WDR25: variants seen among roughly 807,000 people sequenced by gnomAD.
WDR25 encodes the protein WD repeat-containing protein 25.
In WDR25, 35 loss-of-function variants were observed where a neutral mutation model predicts 47.7. The observed-to-expected ratio is 0.73, with a 90% confidence interval of 0.56 to 0.97. The LOEUF (loss-of-function observed/expected upper bound fraction) is 0.97, where lower values mean the gene tolerates loss of function less well. Ranked by LOEUF, WDR25 falls within the 50% of genes least tolerant of loss-of-function variation. The probability of loss-of-function intolerance (pLI) is 0.00; values close to 1 mark genes in which losing one functional copy is unlikely to be tolerated. For missense variants in WDR25, 634 were observed against 704.7 expected (o/e 0.90, Z 1.14); for synonymous variants, 248 against 278.9 (o/e 0.89, Z 1.10).
chr14:100,513,690 CT>C (rs77651175), intron 4 of WDR25, among the ~76,000 whole-genome samples: 6,256 of 145,234 alleles, frequency 0.043, 413 homozygotes, highest in African/African-American at 0.14. Context: ...AAAGGACCCT[CT>C]TTTTTTTTTT....
At chr14:100,465,182 A>ATT (rs978965358) in intron 2 of WDR25, among the ~76,000 whole-genome samples, 7 of 149,570 alleles carry the variant, frequency 4.7e-5, no homozygotes, top group African/African-American at 1.7e-4. Flanking sequence ...GTGTGTGTGT[A>ATT]TTTTTAAAAA....
chr14:100,418,235 T>G (rs977808453), intron 2 of WDR25, among the ~76,000 whole-genome samples: 5 of 150,244 alleles, frequency 3.3e-5, no homozygotes, highest in African/African-American at 4.9e-5. Flanking sequence ...TGAGCCACTG[T>G]GCCCTGCCTT....
At chr14:100,401,068 T>G (rs1400398857) in intron 2 of WDR25, among the ~76,000 whole-genome samples, 1 of 152,254 alleles carries the variant, frequency 6.6e-6, no homozygotes, top group Admixed American at 6.5e-5. Flanking sequence ...GCGTGTTTAA[T>G]TATTCAAGTA....
chr14:100,513,491 A>G (rs1461420332), intron 4 of WDR25, among the ~76,000 whole-genome samples: 1 of 152,202 alleles, frequency 6.6e-6, no homozygotes, highest in East Asian at 1.9e-4. Context: ...TGCCCAGTCT[A>G]AGGTATTTTG....
In WDR25 at chr14:100,428,779, T is replaced by G. The variant is rs1431930992; in HGVS notation, c.823-39242T>G. On this transcript the variant is annotated intron_variant, in intron 2 of 6. Transcript: ENST00000402312. This position sits in a 1 kb window ranked among gnomAD's most constrained non-coding sequence, Gnocchi z 4.3. ...CTGTACCTTCGCTTTTATTCTACTT[T>G]GAATGTAATTTAGTTGCACATTCAT... 1.3e-5 allele frequency among the ~76,000 whole-genome samples: 2 copies of G among 152,256 alleles called. No individual in the cohort carries two copies. Among genetic ancestry groups the G allele is most frequent in the African/African-American group, 4.8e-5 (2 of 41,472 alleles).
chr14:100,437,727 C>T (rs889670358), intron 2 of WDR25, among the ~76,000 whole-genome samples: 2 of 152,164 alleles, frequency 1.3e-5, no homozygotes, highest in Non-Finnish European at 2.9e-5. Context: ...TGTTAACCCC[C>T]ATTCTCTCCC....
At chr14:100,452,758 A>G (rs1899079034) in intron 2 of WDR25, among the ~76,000 whole-genome samples, 5 of 152,174 alleles carry the variant, frequency 3.3e-5, no homozygotes, top group Admixed American at 3.3e-4. Flanking sequence ...GTGGCAGTAG[A>G]TTGTAGGGCA....
At chr14:100,413,493 G>A (rs1266432225) in intron 2 of WDR25, among the ~76,000 whole-genome samples, 1 of 150,546 alleles carries the variant, frequency 6.6e-6, no homozygotes, top group Non-Finnish European at 1.5e-5. Context: ...GGCTCACTGC[G>A]ACCTCCGCCT....
At chr14:100,465,001 A>C in intron 2 of WDR25, among the ~76,000 whole-genome samples, 1 of 147,762 alleles carries the variant, frequency 6.8e-6, no homozygotes, top group Non-Finnish European at 1.5e-5. Context: ...ACTCTCCCCT[A>C]CATGTTCCAC....
At chr14:100,418,635 C>CAAA (rs71113266) in intron 2 of WDR25, among the ~76,000 whole-genome samples, 17 of 129,330 alleles carry the variant, frequency 1.3e-4, no homozygotes, top group African/African-American at 4.9e-4. Flanking sequence ...GACTCCGTCT[C>CAAA]AAAAAAAAAA....
chr14:100,489,221 C>G (rs1227080367), intron 4 of WDR25, among the ~76,000 whole-genome samples: 3 of 152,238 alleles, frequency 2.0e-5, no homozygotes, highest in African/African-American at 7.2e-5. Flanking sequence ...TCCACTGAGG[C>G]TGAGCTCCTC....
chr14:100,444,964 C>T (rs1198275439), intron 2 of WDR25, among the ~76,000 whole-genome samples: 1 of 152,196 alleles, frequency 6.6e-6, no homozygotes, highest in African/African-American at 2.4e-5. Context: ...GAAATGAAAG[C>T]TCAGAGACAA....
intron 2 of WDR25, among the ~76,000 whole-genome samples, chr14:100,426,740 G>A (rs1898180807): frequency 6.6e-6 from 1 of 152,094 alleles, no homozygotes; most frequent in Non-Finnish European, 1.5e-5. Context: ...CTGCCCCCCA[G>A]CCCCACCCCA....
At position 100,520,011 on chromosome 14, in the gene WDR25, C is replaced by CTA. The variant is rs1214240620; in HGVS notation, c.1102-5850_1102-5849dup. Among the ~76,000 whole-genome samples the CTA allele has an allele frequency of 2.1e-5, 3 of 143,776 alleles. No homozygotes were observed. The South Asian group carries it at 6.5e-4, about 31-fold the overall frequency. 94.3% of individuals were successfully genotyped at this position (143,776 alleles called of 152,430 possible). A position where few individuals can be genotyped will look rare whatever the true frequency, so the allele number is the denominator to read the frequency against. ...TATATAGTGTGTATATATATGTACACTATATATATACACATTGATCATTTG... is the reference window on the plus strand; with the variant it reads ...TATATAGTGTGTATATATATGTACACTATATATATATACACATTGATCATTTG... On this transcript the variant is annotated intron_variant, in intron 4 of 6. Transcript: ENST00000402312.
intron 4 of WDR25, among the ~76,000 whole-genome samples, chr14:100,496,945 C>T (rs1342482825): frequency 1.4e-5 from 2 of 141,470 alleles, no homozygotes; most frequent in Admixed American, 7.8e-5. Flanking sequence ...AAGCAATTCT[C>T]ATGCCTCAGT....
chr14:100,496,261 C>T (rs1308834533), intron 4 of WDR25, among the ~76,000 whole-genome samples: 3 of 152,186 alleles, frequency 2.0e-5, no homozygotes, highest in Non-Finnish European at 4.4e-5. Flanking sequence ...AGAATTGGTT[C>T]ATTTTATCTA....
chr14:100,476,144 G>A lies in WDR25; in HGVS notation c.971-7850G>A, dbSNP rs76985998. 1.5e-4 allele frequency among the ~76,000 whole-genome samples: 23 copies of A among 152,300 alleles called. No homozygotes were observed. The East Asian group carries it at 4.1e-3, about 27-fold the overall frequency. ...TCACAACCACCTTTTGTGGTCCTGAGTCTACAGATGAGGATACCAGGGCTG... is the reference window on the plus strand; with the variant it reads ...TCACAACCACCTTTTGTGGTCCTGAATCTACAGATGAGGATACCAGGGCTG... On this transcript the variant is annotated intron_variant, in intron 3 of 6. Coordinates refer to ENST00000402312, the MANE Select transcript of WDR25 (RefSeq NM_001161476.3).
In WDR25 at chr14:100,488,375, G is replaced by A. The variant is rs1900452731; in HGVS notation, c.1101+4251G>A. On this transcript the variant is annotated intron_variant, in intron 4 of 6. Transcript: ENST00000402312. The surrounding 1 kb of genome is among the most constrained non-coding windows in gnomAD (Gnocchi z 4.2). ...GTCTGACCTTTATAGTATTGTGAGG[G>A]TCAATTTCTGCAGAAGCCCCTGAGC... Among the ~76,000 whole-genome samples the A allele has an allele frequency of 6.6e-6, 1 of 152,100 alleles. No individual in the cohort carries two copies. Among genetic ancestry groups the A allele is most frequent in the Non-Finnish European group, 1.5e-5 (1 of 68,028 alleles).
intron 2 of WDR25, among the ~76,000 whole-genome samples, chr14:100,436,253 G>C (rs1397502644): frequency 6.6e-6 from 1 of 152,174 alleles, no homozygotes; most frequent in African/African-American, 2.4e-5. Context: ...GCTTATGGAG[G>C]GTCCCACAAG....
Sources: gnomAD v4.1 joint callset for allele counts (sites outside exome capture counted in the v4.1 genomes callset) on GRCh38, gnomAD v4.1.1 for gene constraint, Gnocchi (gnomAD v3.1) non-coding constraint, MANE v1.5 for transcripts, NCBI Gene and HGNC (gene_info 2026-07-23, HGNC 2026-07-21) for gene names.